The following SHROOM3 variants were observed in gnomAD, a reference collection of about 807,000 sequenced individuals.
SHROOM3 encodes the protein shroom family member 3.
SHROOM3 carries 47 observed loss-of-function variants against 138.6 expected under a neutral mutation model. The ratio of observed to expected loss-of-function variants is 0.34; its 90% confidence interval spans 0.27 to 0.43. The LOEUF is 0.43. Among genes scored for constraint, SHROOM3 ranks in the 20% least tolerant of loss-of-function variants. The pLI, the probability that SHROOM3 is intolerant of heterozygous loss-of-function variation, is 1.00. For missense variants in SHROOM3, 2,491 were observed against 2,596.5 expected, an observed-to-expected ratio of 0.96 and a Z score of 0.88; for synonymous variants, 1,062 against 1,063.3, an observed-to-expected ratio of 1.00 and a Z score of 0.02.
chr4:76,438,531 G>A (rs879649632), intron 1 of SHROOM3, among the ~76,000 whole-genome samples: 5 of 152,058 alleles, frequency 3.3e-5, no homozygotes, highest in Non-Finnish European at 4.4e-5. Flanking sequence ...GTACTGTTCC[G>A]AAGCTCTTGA....
intron 2 of SHROOM3, among the ~76,000 whole-genome samples, chr4:76,650,523 T>G (rs1227854237): frequency 4.1e-5 from 1 of 24,374 alleles, no homozygotes; most frequent in Non-Finnish European, 6.4e-5. Context: ...TTAAGTATAT[T>G]TATTTATTTA....
At chr4:76,671,676 A>G (rs1718889973) in intron 2 of SHROOM3, among the ~76,000 whole-genome samples, 1 of 152,202 alleles carries the variant, frequency 6.6e-6, no homozygotes, top group Non-Finnish European at 1.5e-5. Context: ...CACAGTTCCC[A>G]TGGAAAAGAG....
chr4:76,768,288 A>G (rs999002524), intron 9 of SHROOM3, among the ~76,000 whole-genome samples: 1 of 152,218 alleles, frequency 6.6e-6, no homozygotes, highest in African/African-American at 2.4e-5. Context: ...CATTTTCTCC[A>G]TATGCGCTGA....
intron 2 of SHROOM3, among the ~76,000 whole-genome samples, chr4:76,590,824 G>T (rs1321392025): frequency 6.6e-6 from 1 of 151,954 alleles, no homozygotes; most frequent in Non-Finnish European, 1.5e-5. Context: ...CAGTTTTTTT[G>T]AGATTTTCTT....
At chr4:76,529,062 A>G (rs1314239071) in intron 1 of SHROOM3, among the ~76,000 whole-genome samples, 2 of 152,214 alleles carry the variant, frequency 1.3e-5, no homozygotes, top group Non-Finnish European at 2.9e-5. Flanking sequence ...CTATGCAACC[A>G]TAAGGACATT....
chr4:76,735,839 TAAAAAAAAAAAAAAA>T (rs1170202101), intron 4 of SHROOM3, among the ~76,000 whole-genome samples: 4 of 75,840 alleles, frequency 5.3e-5, no homozygotes, highest in African/African-American at 2.4e-4. Context: ...GACTCTATCT[TAAAAAAAAAAAAAAA>T]AAAAAAAAAA....
intron 1 of SHROOM3, among the ~76,000 whole-genome samples, chr4:76,514,169 A>C (rs1732398251): frequency 6.6e-6 from 1 of 152,232 alleles, no homozygotes; most frequent in East Asian, 1.9e-4. Context: ...TGCTAGGTAA[A>C]TACTCAAGAA....
At chr4:76,518,510 T>TC (rs1484352472) in intron 1 of SHROOM3, among the ~76,000 whole-genome samples, 3 of 62,204 alleles carry the variant, frequency 4.8e-5, no homozygotes, top group East Asian at 9.7e-4. Context: ...CTTCCTTCCT[T>TC]CTTTCCTTCC....
chr4:76,741,709 G>T lies in SHROOM3; in HGVS notation c.3536G>T (p.Arg1179Leu). 6.4e-7 allele frequency: 1 copy of T among 1,553,586 alleles called. No individual in the cohort carries two copies. Among genetic ancestry groups the T allele is most frequent in the Non-Finnish European group, 8.7e-7 (1 of 1,149,960 alleles). ...DRSSSFAGGR[R>L]LGERRRGDLL... ...AGCAGCTCCTTCGCCGGTGGCCGCC[G>T]CCTCGGGGAACGGCGACGCGGGGAC... The change falls in exon 5 of 11, where the codon CGC becomes CTC. Residue 1179 changes from arginine (R) to leucine (L), a missense_variant. Arg to Leu is a moderately radical substitution (Grantham distance 102, BLOSUM62 -2). Coordinates refer to ENST00000296043, the MANE Select transcript of SHROOM3 (RefSeq NM_020859.4). This position sits in a 1 kb window ranked among gnomAD's most constrained non-coding sequence, Gnocchi z 6.2.
intron 2 of SHROOM3, chr4:76,637,593 T>C (rs1256704266): frequency 6.6e-6 from 1 of 152,226 alleles, no homozygotes; most frequent in Non-Finnish European, 1.5e-5. Flanking sequence ...AAGCTGGTGG[T>C]AACTTCACAA....
intron 2 of SHROOM3, among the ~76,000 whole-genome samples, chr4:76,704,096 G>T (rs766969615): frequency 2.6e-5 from 4 of 152,186 alleles, no homozygotes; most frequent in Non-Finnish European, 5.9e-5. Flanking sequence ...TAGAAGAAAA[G>T]AAGATCCCAC....
At chr4:76,654,893 C>G (rs1401486007) in intron 2 of SHROOM3, among the ~76,000 whole-genome samples, 2 of 152,158 alleles carry the variant, frequency 1.3e-5, no homozygotes, top group East Asian at 3.9e-4. Flanking sequence ...TTGCTTAGCC[C>G]AAAGTCACAC....
At position 76,646,225 on chromosome 4, in the gene SHROOM3, A is replaced by AATATATAT. The variant is rs371944513; in HGVS notation, c.324-63915_324-63908dup. ...CCTAGAACTTAAAGTATAATAAATA[A>AATATATAT]ATATATATATATATATATATATAAA... On this transcript the variant is annotated intron_variant, in intron 2 of 10. Coordinates refer to ENST00000296043, the MANE Select transcript of SHROOM3 (RefSeq NM_020859.4). Among the ~76,000 whole-genome samples the AATATATAT allele has an allele frequency of 6.1e-4, 59 of 96,222 alleles. 3 individuals carry two copies. The highest frequency in any genetic ancestry group is 2.4e-3 in the African/African-American group (54 of 22,698). 63.1% of individuals were successfully genotyped at this position (96,222 alleles called of 152,430 possible).
At chr4:76,554,190 C>T (rs1053278532) in intron 1 of SHROOM3, among the ~76,000 whole-genome samples, 8 of 152,180 alleles carry the variant, frequency 5.3e-5, no homozygotes, top group African/African-American at 1.7e-4. Flanking sequence ...CAATGTCATA[C>T]ACTTGAAATT....
intron 2 of SHROOM3, among the ~76,000 whole-genome samples, chr4:76,592,632 T>A (rs1342992354): frequency 1.3e-5 from 2 of 152,196 alleles, no homozygotes; most frequent in African/African-American, 2.4e-5. Context: ...TTTAAGAAAT[T>A]GGCCCTGACT....
intron 2 of SHROOM3, chr4:76,637,768 G>A (rs1230437852): frequency 6.6e-6 from 1 of 152,202 alleles, no homozygotes; most frequent in African/African-American, 2.4e-5. Flanking sequence ...TTGCACTGGG[G>A]AAACCACCCT....
intron 1 of SHROOM3, among the ~76,000 whole-genome samples, chr4:76,530,512 G>A (rs1579216322): frequency 6.6e-6 from 1 of 152,050 alleles, no homozygotes; most frequent in Admixed American, 6.6e-5. Flanking sequence ...ATGGGTTGGA[G>A]TTCCCTTAGA....
chr4:76,751,998 A>G (rs531879339), intron 6 of SHROOM3, among the ~76,000 whole-genome samples: 86 of 152,378 alleles, frequency 5.6e-4, no homozygotes, highest in African/African-American at 2.0e-3. Context: ...TCCAAGACCC[A>G]TGTTCACACC....
At chr4:76,750,353 T>A (rs1361692596) in intron 6 of SHROOM3, among the ~76,000 whole-genome samples, 1 of 152,156 alleles carries the variant, frequency 6.6e-6, no homozygotes, top group Non-Finnish European at 1.5e-5. Context: ...CAAGATCATG[T>A]CCTTTGCAGC....
Sources: gnomAD v4.1 joint callset for allele counts (sites outside exome capture counted in the v4.1 genomes callset) on GRCh38, gnomAD v4.1.1 for gene constraint, Gnocchi (gnomAD v3.1) non-coding constraint, MANE v1.5 for transcripts, NCBI Gene and HGNC (gene_info 2026-07-23, HGNC 2026-07-21) for gene names.